The following SPATA31F3 variants were observed in gnomAD, a reference collection of about 807,000 sequenced individuals.
SPATA31F3 encodes the protein SPATA31 subfamily F member 3.
At chr9:34,891,073 G>C in the SPATA31F3 span, among the ~76,000 whole-genome samples, 1 of 152,160 alleles carries the variant, frequency 6.6e-6, no homozygotes, top group Non-Finnish European at 1.5e-5. Context: ...AGGCAGCCCT[G>C]ACAGAAGGGC....
At chr9:34,891,444 C>T in the SPATA31F3 span, among the ~76,000 whole-genome samples, 1 of 152,158 alleles carries the variant, frequency 6.6e-6, no homozygotes, top group African/African-American at 2.4e-5. Context: ...TGCGGACTGG[C>T]CCTCCTGCCA....
At chr9:34,894,098 G>A in the SPATA31F3 span, among the ~76,000 whole-genome samples, 5 of 152,208 alleles carry the variant, frequency 3.3e-5, no homozygotes, top group Admixed American at 3.3e-4. Flanking sequence ...GAATAAGACA[G>A]GGATGACTTC....
chr9:34,894,917 G>C, the SPATA31F3 span: 29 of 397,014 alleles, frequency 7.3e-5, no homozygotes, highest in Admixed American at 1.8e-4. Flanking sequence ...TTGTCCCTGG[G>C]GGGTACTAGA....
At chr9:34,891,351 G>A in the SPATA31F3 span, among the ~76,000 whole-genome samples, 222 of 152,306 alleles carry the variant, frequency 1.5e-3, 1 homozygote, top group African/African-American at 5.1e-3. Context: ...TGGCAGATAT[G>A]GGCAGGGACA....
At chr9:34,889,288 A>G in the SPATA31F3 span, 1 of 398,680 alleles carries the variant, frequency 2.5e-6, no homozygotes, top group South Asian at 1.3e-4. Context: ...TTGAGGACAG[A>G]GTTTGGAGCA....
At chr9:34,894,970 TAG>T in the SPATA31F3 span, 1 of 398,190 alleles carries the variant, frequency 2.5e-6, no homozygotes, top group African/African-American at 2.1e-5. Flanking sequence ...GCAGGGGTCA[TAG>T]AGGGTCAGGA....
the SPATA31F3 span, chr9:34,892,576 GTAGGGTCA>G: frequency 2.1e-5 from 9 of 433,144 alleles, no homozygotes; most frequent in Admixed American, 3.9e-5. Context: ...GGAAAGGAAT[GTAGGGTCA>G]TAGGCTGTTG....
chr9:34,889,706 GTGGCCCTGCAAATTT>G, the SPATA31F3 span: 2 of 398,032 alleles, frequency 5.0e-6, no homozygotes, highest in East Asian at 7.1e-5. Context: ...CCTAGAAAGT[GTGGCCCTGCAAATTT>G]TGACCCTGCA....
chr9:34,894,481 C>G, the SPATA31F3 span: 1 of 398,520 alleles, frequency 2.5e-6, no homozygotes, highest in African/African-American at 2.1e-5. Flanking sequence ...TTCTCGGCTT[C>G]TTCCTGTGAA....
chr9:34,889,401 T>C, the SPATA31F3 span: 1 of 398,626 alleles, frequency 2.5e-6, no homozygotes. Context: ...CAGGCCTTCC[T>C]CCTCAGTAGA....
At chr9:34,895,215 T>G in the SPATA31F3 span, 2 of 396,888 alleles carry the variant, frequency 5.0e-6, no homozygotes, top group Non-Finnish European at 8.9e-6. Context: ...TATCTTTCCT[T>G]TCTGTATTCT....
the SPATA31F3 span, chr9:34,889,479 A>G: frequency 2.5e-6 from 1 of 398,452 alleles, no homozygotes; most frequent in Non-Finnish European, 4.4e-6. Context: ...ATCTTTGGTG[A>G]CAGTTGGACT....
At chr9:34,889,556 A>T in the SPATA31F3 span, 3 of 398,544 alleles carry the variant, frequency 7.5e-6, no homozygotes, top group Admixed American at 1.3e-4. Flanking sequence ...TGGATTCCTC[A>T]TGCCTTCGAT....
At chr9:34,890,550 T>G in the SPATA31F3 span, among the ~76,000 whole-genome samples, 1 of 152,200 alleles carries the variant, frequency 6.6e-6, no homozygotes, top group Non-Finnish European at 1.5e-5. Flanking sequence ...CTGTCTTTAG[T>G]TCAACGGCAA....
At chr9:34,891,920 G>A in the SPATA31F3 span, among the ~76,000 whole-genome samples, 8 of 152,158 alleles carry the variant, frequency 5.3e-5, no homozygotes, top group Non-Finnish European at 1.5e-5. Context: ...CATTGATCTG[G>A]ATTTGTCAAT....
chr9:34,895,735 A>T, the SPATA31F3 span: 2 of 403,574 alleles, frequency 5.0e-6, no homozygotes. Context: ...TCTAAACCTC[A>T]CTAGCCATCC....
chr9:34,892,574 A>G, the SPATA31F3 span: 3 of 431,778 alleles, frequency 6.9e-6, no homozygotes, highest in African/African-American at 6.0e-5. Context: ...TTGGAAAGGA[A>G]TGTAGGGTCA....
chr9:34,889,647 A>G, the SPATA31F3 span: 1 of 398,552 alleles, frequency 2.5e-6, no homozygotes, highest in Admixed American at 4.4e-5. Flanking sequence ...TGGAAGGATG[A>G]TGCTCTTGTG....
the SPATA31F3 span, among the ~76,000 whole-genome samples, chr9:34,893,712 G>A: frequency 6.6e-6 from 1 of 152,320 alleles, no homozygotes; most frequent in Admixed American, 6.5e-5. Flanking sequence ...ATGGGAGGGC[G>A]TGGCCCTCAG....
Sources: allele counts gnomAD v4.1 joint callset (sites outside exome capture counted in the v4.1 genomes callset), GRCh38; gene constraint gnomAD v4.1.1; transcripts MANE v1.5; gene names NCBI Gene and HGNC (gene_info 2026-07-23, HGNC 2026-07-21).